Variants in NKAIN2 observed in about 807,000 individuals in gnomAD.
The protein encoded by NKAIN2 is sodium/potassium transporting ATPase interacting 2.
A neutral mutation model predicts 32.6 loss-of-function variants in NKAIN2; 14 were observed. That is an observed-to-expected ratio of 0.43 (90% CI 0.28 to 0.67). The LOEUF is 0.67. Ranked by LOEUF, NKAIN2 falls within the 30% of genes least tolerant of loss-of-function variation. NKAIN2 has a pLI of 0.17. For synonymous variants in NKAIN2, 80 were observed against 87.2 expected, an observed-to-expected ratio of 0.92 and a Z score of 0.46; for missense variants, 198 against 258.3, an observed-to-expected ratio of 0.77 and a Z score of 1.60.
intron 1 of NKAIN2, among the ~76,000 whole-genome samples, chr6:124,044,447 A>G (rs1782026708): frequency 6.6e-6 from 1 of 152,062 alleles, no homozygotes. Context: ...GGACTACCCT[A>G]TGAAGTAGTT....
At chr6:124,776,636 G>A (rs985663271) in intron 4 of NKAIN2, among the ~76,000 whole-genome samples, 2 of 152,124 alleles carry the variant, frequency 1.3e-5, no homozygotes, top group Non-Finnish European at 2.9e-5. Flanking sequence ...TTCTGCTATA[G>A]TCTTGTATTC....
At chr6:124,208,484 A>C (rs1454703813) in intron 1 of NKAIN2, among the ~76,000 whole-genome samples, 1 of 151,808 alleles carries the variant, frequency 6.6e-6, no homozygotes, top group Non-Finnish European at 1.5e-5. Flanking sequence ...TGCTAGAAAA[A>C]TAATTGTTAG....
chr6:124,375,731 A>G (rs1314981562), intron 3 of NKAIN2, among the ~76,000 whole-genome samples: 1 of 152,060 alleles, frequency 6.6e-6, no homozygotes, highest in Non-Finnish European at 1.5e-5. Flanking sequence ...TGAAACCATC[A>G]TTTTCTCCAG....
At chr6:124,001,800 A>T (rs375758627) in intron 1 of NKAIN2, among the ~76,000 whole-genome samples, 3 of 135,126 alleles carry the variant, frequency 2.2e-5, no homozygotes, top group African/African-American at 8.3e-5. Context: ...CTTAGTTCTA[A>T]ATATATATAT....
At chr6:124,607,838 C>T (rs1397213724) in intron 3 of NKAIN2, among the ~76,000 whole-genome samples, 1 of 152,062 alleles carries the variant, frequency 6.6e-6, no homozygotes, top group African/African-American at 2.4e-5. Context: ...CTATCTTTCA[C>T]TTTCAATATA....
chr6:124,819,520 T>C (rs1781306792), intron 6 of NKAIN2, among the ~76,000 whole-genome samples: 1 of 152,196 alleles, frequency 6.6e-6, no homozygotes, highest in Non-Finnish European at 1.5e-5. Context: ...CTGTAAACAC[T>C]GTATTACACA....
intron 4 of NKAIN2, among the ~76,000 whole-genome samples, chr6:124,745,940 A>G (rs6910069): frequency 0.4 from 60,513 of 151,790 alleles, 12,760 homozygotes; most frequent in Non-Finnish European, 0.48. Context: ...GTCAAAGGCC[A>G]GAAAGAGCAA....
intron 4 of NKAIN2, among the ~76,000 whole-genome samples, chr6:124,751,139 G>C (rs1301257717): frequency 6.6e-6 from 1 of 151,988 alleles, no homozygotes; most frequent in East Asian, 1.9e-4. Context: ...AAAAGAGGTA[G>C]TTTTACAACT....
chr6:124,607,659 C>T (rs940708499), intron 3 of NKAIN2, among the ~76,000 whole-genome samples: 4 of 151,902 alleles, frequency 2.6e-5, no homozygotes, highest in African/African-American at 9.7e-5. Flanking sequence ...CTTCGTTATA[C>T]ACACACACAA....
At chr6:124,018,408 G>T (rs905570751) in intron 1 of NKAIN2, among the ~76,000 whole-genome samples, 5 of 152,148 alleles carry the variant, frequency 3.3e-5, no homozygotes, top group African/African-American at 1.2e-4. Flanking sequence ...GCAACTTTCT[G>T]CAGCTACCTT....
chr6:123,943,328 A>G (rs762160920), intron 1 of NKAIN2, among the ~76,000 whole-genome samples: 7 of 151,994 alleles, frequency 4.6e-5, no homozygotes, highest in Non-Finnish European at 1.0e-4. Context: ...GCTTGTTTTC[A>G]CCCTAAATAG....
chr6:124,542,556 T>A (rs1274827910), intron 3 of NKAIN2, among the ~76,000 whole-genome samples: 1 of 152,112 alleles, frequency 6.6e-6, no homozygotes, highest in Non-Finnish European at 1.5e-5. Context: ...TTTGAAGACC[T>A]CCACAACTGC....
intron 4 of NKAIN2, among the ~76,000 whole-genome samples, chr6:124,682,751 A>G (rs1368765123): frequency 2.0e-5 from 3 of 152,194 alleles, no homozygotes; most frequent in Non-Finnish European, 4.4e-5. Flanking sequence ...TGGAACTTAA[A>G]AAAACTCATC....
At chr6:124,342,193 A>T (rs12204023) in intron 2 of NKAIN2, among the ~76,000 whole-genome samples, 22,646 of 151,944 alleles carry the variant, frequency 0.15, 2,198 homozygotes, top group Admixed American at 0.27. Context: ...CGAGGTCAGA[A>T]GATCGAGACC....
At chr6:123,927,726 G>C (rs950762732) in intron 1 of NKAIN2, among the ~76,000 whole-genome samples, 2 of 152,170 alleles carry the variant, frequency 1.3e-5, no homozygotes, top group Admixed American at 6.5e-5. Context: ...GCTATTCTTG[G>C]ATATATTGCC....
At chr6:124,786,738 C>G (rs1344444632) in intron 4 of NKAIN2, among the ~76,000 whole-genome samples, 2 of 152,040 alleles carry the variant, frequency 1.3e-5, no homozygotes, top group Non-Finnish European at 2.9e-5. Flanking sequence ...ACTAAAACAA[C>G]TAGAATATTT....
intron 1 of NKAIN2, among the ~76,000 whole-genome samples, chr6:124,267,481 T>TAAAAAA (rs71541244): frequency 3.1e-5 from 3 of 97,736 alleles, no homozygotes; most frequent in Non-Finnish European, 4.3e-5. Flanking sequence ...ACCATGTCTC[T>TAAAAAA]AAAAAAAAAA....
chr6:124,356,221 A>T (rs779321899), intron 3 of NKAIN2, among the ~76,000 whole-genome samples: 16 of 152,080 alleles, frequency 1.1e-4, no homozygotes, highest in Admixed American at 3.3e-4. Context: ...GCTAAAAAAA[A>T]TTTTTTTTAA....
At chr6:124,322,512 A>G (rs1224697024) in intron 2 of NKAIN2, among the ~76,000 whole-genome samples, 1 of 152,188 alleles carries the variant, frequency 6.6e-6, no homozygotes, top group Non-Finnish European at 1.5e-5. Flanking sequence ...TATTTGTGCT[A>G]CCACCTTATA....
Sources: gnomAD v4.1 joint callset for allele counts (sites outside exome capture counted in the v4.1 genomes callset) on GRCh38, gnomAD v4.1.1 for gene constraint, MANE v1.5 for transcripts, NCBI Gene and HGNC (gene_info 2026-07-23, HGNC 2026-07-21) for gene names.